PCNP: variants seen among roughly 807,000 people sequenced by gnomAD.
The protein encoded by PCNP is PEST proteolytic signal-containing nuclear protein.
A neutral mutation model predicts 21.8 loss-of-function variants in PCNP; 6 were observed. The observed-to-expected ratio is 0.28, with a 90% CI of 0.15 to 0.54. PCNP has a LOEUF of 0.54. PCNP is among the 20% of genes least tolerant of loss of function. The pLI is 0.95. For missense variants in PCNP, 161 were observed against 215.5 expected (o/e 0.75, Z 1.58); for synonymous variants, 67 against 73.2 (o/e 0.92, Z 0.43).
At chr3:101,582,326 G>T (rs928571267) in intron 2 of PCNP, among the ~76,000 whole-genome samples, 1 of 152,072 alleles carries the variant, frequency 6.6e-6, no homozygotes, top group South Asian at 2.1e-4. Flanking sequence ...GGTGGCGGGC[G>T]CCTGTAGTCC....
At chr3:101,589,996 TCAGCAG>T in intron 3 of PCNP, 1 of 496,098 alleles carries the variant, frequency 2.0e-6, no homozygotes, top group Non-Finnish European at 3.6e-6. Context: ...GTTTGTTTTT[TCAGCAG>T]TTTTTTTTCT....
intron 1 of PCNP, chr3:101,576,849 A>G: frequency 6.2e-7 from 1 of 1,608,552 alleles, no homozygotes. Context: ...CCACACCCTT[A>G]ATGGCAGTGA....
At chr3:101,586,381 T>C (rs906368724) in intron 3 of PCNP, among the ~76,000 whole-genome samples, 10 of 152,006 alleles carry the variant, frequency 6.6e-5, no homozygotes, top group African/African-American at 2.4e-4. Context: ...TCCCATGTTA[T>C]GAATGACCTA....
intron 1 of PCNP, among the ~76,000 whole-genome samples, chr3:101,575,578 A>C (rs1471578835): frequency 6.6e-6 from 1 of 152,066 alleles, no homozygotes; most frequent in East Asian, 1.9e-4. Context: ...TCCCAAAAAA[A>C]TTGTATTGGA....
rs1319080852 is a variant in PCNP, at chr3:101,579,868, G to A, written c.143G>A (p.Ser48Asn). The A allele has an allele frequency of 6.2e-7, 1 of 1,614,036 alleles. No individual in the cohort carries two copies. The highest frequency in any genetic ancestry group is 8.5e-7 in the Non-Finnish European group (1 of 1,179,860). ...AATGGAGGGGAAAGTTCCAGTCGCA[G>A]CGCTGAGAAGCGATCAGCTGAAGAA... is the stretch of plus-strand genomic sequence containing the variant. The part of the protein sequence containing the change: ...SSNGGESSSR[S>N]AEKRSAEEEA... The change falls in exon 2 of 5, where the codon AGC (serine) becomes AAC (asparagine). Residue 48 changes from serine (S) to asparagine (N), a missense_variant. Physicochemically the swap from Ser to Asn is conservative, Grantham distance 46. Around this residue, in one of 4 missense-constraint regions of PCNP, gnomAD observed 46 missense variants for 39.3 expected, o/e 1.17. Coordinates refer to ENST00000265260, the MANE Select transcript of PCNP (RefSeq NM_020357.3).
chr3:101,586,044 G>A (rs532925012), intron 3 of PCNP, among the ~76,000 whole-genome samples: 1 of 151,932 alleles, frequency 6.6e-6, no homozygotes, highest in South Asian at 2.1e-4. Context: ...GGTGGCACAG[G>A]CCTATAATCC....
chr3:101,577,027 A>G, intron 1 of PCNP: 1 of 780,868 alleles, frequency 1.3e-6, no homozygotes. Flanking sequence ...AGATTTCACC[A>G]TGTTGGCTAG....
chr3:101,579,909 C>G lies in PCNP; in HGVS notation c.184C>G (p.Pro62Ala), dbSNP rs747772346. The change falls in exon 2 of 5, where the codon CCA becomes GCA. Residue 62 changes from proline to alanine, a missense_variant. Around this residue, in one of 4 missense-constraint regions of PCNP, gnomAD observed 46 missense variants for 39.3 expected, o/e 1.17. Coordinates refer to ENST00000265260, the MANE Select transcript of PCNP (RefSeq NM_020357.3). The stretch of plus-strand genomic sequence containing the variant: ...AGCTGAAGAAGAAGCTGCCGACCTC[C>G]CAACAAAGCCTACAAAGATCTCCAA... Reference protein sequence around the residue: ...RSAEEEAADLPTKPTKISKFG... With the variant: ...RSAEEEAADLATKPTKISKFG... The G allele has an allele frequency of 7.8e-5, 126 of 1,613,934 alleles. No individual in the cohort carries two copies. The highest frequency in any genetic ancestry group is 1.0e-4 in the Non-Finnish European group (122 of 1,179,924).
chr3:101,585,455 C>T lies in PCNP; in HGVS notation c.298C>T (p.Pro100Ser). Residue 100 changes from proline (P) to serine (S), a missense_variant, in exon 3 of 5, where the codon CCA becomes TCA. Coordinates refer to ENST00000265260, the MANE Select transcript of PCNP (RefSeq NM_020357.3). ...LGSSKPKETVPTLAPKTLSVA... is the reference protein window; with the variant it reads ...LGSSKPKETVSTLAPKTLSVA... ...TCTTCAGAAGCCTAAAGAAACTGTTCCAACTCTTGCTCCAAAAACTCTTTC... is the reference window on the plus strand; with the variant it reads ...TCTTCAGAAGCCTAAAGAAACTGTTTCAACTCTTGCTCCAAAAACTCTTTC... 6.2e-7 allele frequency: 1 copy of T among 1,602,422 alleles called. No homozygotes were observed. Among genetic ancestry groups the T allele is most frequent in the Non-Finnish European group, 8.5e-7 (1 of 1,171,726 alleles).
intron 1 of PCNP, chr3:101,576,409 A>T (rs878944570): frequency 8.5e-7 from 1 of 1,175,620 alleles, no homozygotes; most frequent in Non-Finnish European, 1.2e-6. Context: ...TAATTTTTGT[A>T]TTTTTATTTT....
At chr3:101,579,464 T>C (rs1313257025) in intron 1 of PCNP, 5 of 459,866 alleles carry the variant, frequency 1.1e-5, no homozygotes, top group Non-Finnish European at 2.1e-5. Flanking sequence ...ATAGATCTGA[T>C]TTCTAAAAAG....
chr3:101,586,004 C>T (rs1478831751), intron 3 of PCNP, among the ~76,000 whole-genome samples: 1 of 151,922 alleles, frequency 6.6e-6, no homozygotes, highest in Non-Finnish European at 1.5e-5. Context: ...AACCCCATCT[C>T]TACTAAAAAT....
intron 2 of PCNP, among the ~76,000 whole-genome samples, chr3:101,581,301 A>G (rs982845412): frequency 6.6e-6 from 1 of 152,174 alleles, no homozygotes; most frequent in Admixed American, 6.5e-5. Flanking sequence ...GATAGGCAGT[A>G]TGTTAAATAT....
chr3:101,579,694 G>C, intron 1 of PCNP, 96 bp from the exon 2 acceptor site: 1 of 836,416 alleles, frequency 1.2e-6, no homozygotes, highest in Non-Finnish European at 2.1e-6. Flanking sequence ...AACTGCAGAG[G>C]TATCTTCCTT....
chr3:101,583,041 G>A (rs1220440384), intron 2 of PCNP, among the ~76,000 whole-genome samples: 9 of 152,184 alleles, frequency 5.9e-5, no homozygotes, highest in Admixed American at 5.9e-4. Context: ...TGCAGAAAGT[G>A]GTGAGGCCAG....
intron 4 of PCNP, 126 bp from the exon 5 acceptor site, chr3:101,592,501 A>G (rs1311826898): frequency 4.5e-6 from 3 of 667,764 alleles, no homozygotes; most frequent in Non-Finnish European, 7.4e-6. Context: ...AAAGCTCTGT[A>G]GGGCCTTCCA....
At chr3:101,577,556 G>A (rs570642299) in intron 1 of PCNP, among the ~76,000 whole-genome samples, 15 of 152,144 alleles carry the variant, frequency 9.9e-5, no homozygotes, top group Admixed American at 9.2e-4. Flanking sequence ...ATGAAGTCAC[G>A]CTCTGTCGCC....
intron 4 of PCNP, among the ~76,000 whole-genome samples, chr3:101,590,846 G>A (rs1935766353): frequency 6.6e-6 from 1 of 152,060 alleles, no homozygotes; most frequent in African/African-American, 2.4e-5. Context: ...ACCATGCCCA[G>A]CTGTTTTTTC....
chr3:101,579,550 T>C (rs1173267443), intron 1 of PCNP: 3 of 648,546 alleles, frequency 4.6e-6, no homozygotes, highest in South Asian at 3.0e-5. Flanking sequence ...TTGTGAACTC[T>C]GTGTTTATAA....
Sources: gnomAD v4.1 joint callset for allele counts (sites outside exome capture counted in the v4.1 genomes callset) on GRCh38, gnomAD v4.1.1 for gene constraint, gnomAD v4.1.1 regional missense constraint, MANE v1.5 for transcripts, NCBI Gene and HGNC (gene_info 2026-07-23, HGNC 2026-07-21) for gene names.